Variants in DST observed in about 807,000 individuals in gnomAD.
The protein encoded by DST is bullous pemphigoid antigen.
DST carries 253 observed loss-of-function variants against 875.2 expected under a neutral mutation model. The ratio of observed to expected loss-of-function variants is 0.29; its 90% CI spans 0.26 to 0.32. DST has a LOEUF of 0.32. DST is among the 10% of genes least tolerant of loss of function. The pLI is 1.00. For missense variants in DST, 8,287 were observed against 9,111.6 expected (o/e 0.91, Z 3.68); for synonymous variants, 3,124 against 3,197.1 (o/e 0.98, Z 0.77).
At chr6:56,767,614 CAAATAAATAAATAAATAAATAAAT>C (rs148013834) in intron 4 of DST, among the ~76,000 whole-genome samples, 18 of 142,348 alleles carry the variant, frequency 1.3e-4, no homozygotes, top group African/African-American at 4.5e-4. Context: ...GACCCTGTCT[CAAATAAATAAATAAATAAATAAAT>C]AAATAAATAA....
intron 36 of DST, chr6:56,617,942 CTT>C (rs771899374): frequency 1.0e-5 from 16 of 1,539,522 alleles, no homozygotes; most frequent in Non-Finnish European, 1.3e-5. Context: ...AATGAGGAAA[CTT>C]GACATTAGGT....
Position 56,494,024 on chromosome 6 carries a change from G to C in DST, c.20380C>G (p.Leu6794Val). The C allele has an allele frequency of 6.3e-7, 1 of 1,593,636 alleles. No homozygotes were observed. Among genetic ancestry groups the C allele is most frequent in the South Asian group, 1.1e-5 (1 of 87,698 alleles). The change falls in exon 83 of 104, where the codon CTC becomes GTC. Residue 6794 changes from leucine to valine, a missense_variant. This residue lies in a region of DST where 1,292 missense variants were observed against 1,552.7 expected (regional missense o/e 0.83). Transcript: ENST00000680361. ...KEKWESVETK[L>V]NERKTKLEEA... is the part of the protein sequence containing the mutation. ...AAAGCACATACTTTCCTTTCATTGA[G>C]TTTGGTTTCCACCGATTCCCATTTT...
chr6:56,878,890 GTTATA>G (rs1465390917), intron 3 of DST, among the ~76,000 whole-genome samples: 1 of 152,194 alleles, frequency 6.6e-6, no homozygotes, highest in East Asian at 1.9e-4. Context: ...CTAGACTGGA[GTTATA>G]TTATTATTAG....
chr6:56,843,821 C>T (rs932598251), intron 4 of DST, among the ~76,000 whole-genome samples: 1 of 151,764 alleles, frequency 6.6e-6, no homozygotes, highest in Non-Finnish European at 1.5e-5. Flanking sequence ...TCAGCTCCGG[C>T]CCCGGCGCCT....
intron 4 of DST, among the ~76,000 whole-genome samples, chr6:56,802,748 G>C (rs1042763281): frequency 1.3e-5 from 2 of 152,134 alleles, no homozygotes; most frequent in African/African-American, 4.8e-5. Flanking sequence ...GCACCATGTG[G>C]CCTCTTGGAA....
chr6:56,607,197 C>A lies in DST; in HGVS notation c.7431G>T (p.Leu2477Phe). 1.9e-6 allele frequency: 3 copies of A among 1,613,130 alleles called. No homozygotes were observed. Among genetic ancestry groups the A allele is most frequent in the Non-Finnish European group, 2.5e-6 (3 of 1,179,496 alleles). The change falls in exon 40 of 104, where the codon TTG becomes TTT. Residue 2477 changes from leucine (L) to phenylalanine (F), a missense_variant. Leu to Phe is a conservative substitution (Grantham distance 22). This residue lies in a region of DST where 3,138 missense variants were observed against 3,116.6 expected (regional missense o/e 1.01). Coordinates refer to ENST00000680361, the MANE Select transcript of DST (RefSeq NM_001374736.1). ...ATTTTTCTCCTATTCTTTGACCTGA[C>A]AACATGGTTTTGTCACTGAATGATA... ...PALSFSDKTM[L>F]SGQRIGEKFQ...
At chr6:56,557,200 A>G in intron 59 of DST, 119 bp downstream of exon 59, 1 of 858,430 alleles carries the variant, frequency 1.2e-6, no homozygotes. Flanking sequence ...TTACATATAT[A>G]CTTCAAAGCA....
At chr6:56,935,541 G>T (rs756561212) in intron 2 of DST, among the ~76,000 whole-genome samples, 1 of 152,204 alleles carries the variant, frequency 6.6e-6, no homozygotes, top group Non-Finnish European at 1.5e-5. Flanking sequence ...AATATGAAGT[G>T]ATACATATTG....
chr6:56,480,014 T>C (rs1429549847), intron 90 of DST, among the ~76,000 whole-genome samples: 1 of 152,208 alleles, frequency 6.6e-6, no homozygotes, highest in African/African-American at 2.4e-5. Flanking sequence ...ACATACCTCC[T>C]ACTCTGGCAT....
intron 2 of DST, among the ~76,000 whole-genome samples, chr6:56,922,699 T>C (rs1412590496): frequency 6.6e-6 from 1 of 151,858 alleles, no homozygotes; most frequent in Non-Finnish European, 1.5e-5. Context: ...GCTGCATGAA[T>C]GGTTCTAAGA....
rs759815239 is a variant in DST at position 56,640,134 on chromosome 6, T to A, written c.2490+9A>T. The A allele has an allele frequency of 3.1e-6, 5 of 1,612,926 alleles. No individual in the cohort carries two copies. The highest frequency in any genetic ancestry group is 3.3e-5 in the Admixed American group (2 of 59,954). On this transcript the variant is annotated intron_variant, in intron 18 of 103. Coordinates refer to ENST00000680361, the MANE Select transcript of DST (RefSeq NM_001374736.1). Reference sequence around the variant, plus strand: ...CTGAAACACTCAGGTAAAGTAAACATTTTTTTACCTGCATCTCATCAACCC... The same window carrying A: ...CTGAAACACTCAGGTAAAGTAAACAATTTTTTACCTGCATCTCATCAACCC...
rs117617886 is a variant in DST, at chr6:56,514,961, A to G, written c.18576+489T>C. Among the ~76,000 whole-genome samples the G allele has an allele frequency of 1.9e-4, 29 of 152,276 alleles. No homozygotes were observed. The East Asian group carries it at 5.6e-3, about 29-fold the overall frequency. On this transcript the variant is annotated intron_variant, in intron 72 of 103. Coordinates refer to ENST00000680361, the MANE Select transcript of DST (RefSeq NM_001374736.1). ...AAGGTGAACAAAATAATCTGTCTTT[A>G]TACTTCATCATTTTTCCTTTTCATA...
In DST at chr6:56,509,637, A is replaced by G; in HGVS notation, c.19012+5T>C. 1 of 1,607,640 alleles carries G rather than the reference A, an allele frequency of 6.2e-7. No homozygotes were observed. ...AAATTTGTTTCCCTATTCCAAAAGT[A>G]TTACCTTTGGCAGATATGTCTTTAT... On this transcript the variant is annotated splice_donor_5th_base_variant and intron_variant, in intron 74 of 103. Transcript: ENST00000680361.
chr6:56,814,802 TC>T (rs2099764720), intron 4 of DST, among the ~76,000 whole-genome samples: 1 of 152,216 alleles, frequency 6.6e-6, no homozygotes, highest in Non-Finnish European at 1.5e-5. Context: ...AATTGCTGAA[TC>T]AAAATATTAT....
chr6:56,650,331 A>C (rs1178938985), intron 12 of DST, among the ~76,000 whole-genome samples: 1 of 148,088 alleles, frequency 6.8e-6, no homozygotes, highest in Non-Finnish European at 1.5e-5. Context: ...CACCCAAAAA[A>C]AAAAAAAAAA....
intron 4 of DST, among the ~76,000 whole-genome samples, chr6:56,847,598 G>C (rs988973152): frequency 6.6e-6 from 1 of 152,090 alleles, no homozygotes; most frequent in Non-Finnish European, 1.5e-5. Context: ...CTTTGTTCTT[G>C]TAGTTCCATC....
chr6:56,929,628 A>G (rs1334998045), intron 2 of DST, among the ~76,000 whole-genome samples: 1 of 152,208 alleles, frequency 6.6e-6, no homozygotes, highest in Non-Finnish European at 1.5e-5. Context: ...ATATACTTTT[A>G]TATGCTTTGA....
intron 82 of DST, among the ~76,000 whole-genome samples, chr6:56,495,214 G>C (rs577729140): frequency 6.6e-6 from 1 of 151,916 alleles, no homozygotes; most frequent in East Asian, 1.9e-4. Context: ...AACTAATATT[G>C]TAAGTTTTGT....
At chr6:56,702,477 G>A (rs970000069) in intron 7 of DST, among the ~76,000 whole-genome samples, 4 of 151,690 alleles carry the variant, frequency 2.6e-5, no homozygotes, top group Non-Finnish European at 4.4e-5. Context: ...TCACCAAGAA[G>A]GAGAAAGACA....
Sources: allele counts gnomAD v4.1 joint callset (sites outside exome capture counted in the v4.1 genomes callset), GRCh38; gene constraint gnomAD v4.1.1; regional missense constraint gnomAD v4.1.1; transcripts MANE v1.5; gene names NCBI Gene and HGNC (gene_info 2026-07-23, HGNC 2026-07-21).